The following DGKI variants were observed in gnomAD, a reference collection of about 807,000 sequenced individuals.
DGKI encodes diacylglycerol kinase iota.
DGKI carries 55 observed loss-of-function variants against 147.5 expected under a neutral mutation model. The observed-to-expected ratio is 0.37, with a 90% CI of 0.30 to 0.47. The LOEUF is 0.47. Among genes scored for constraint, DGKI ranks in the 20% least tolerant of loss-of-function variants. The pLI is 1.00. For synonymous variants in DGKI, 469 were observed against 477.1 expected, an observed-to-expected ratio of 0.98 and a Z score of 0.22; for missense variants, 1,007 against 1,323.8, an observed-to-expected ratio of 0.76 and a Z score of 3.71.
At chr7:137,428,579 G>A (rs1812920563) in intron 28 of DGKI, among the ~76,000 whole-genome samples, 1 of 152,108 alleles carries the variant, frequency 6.6e-6, no homozygotes, top group Admixed American at 6.5e-5. Context: ...AGGAAATAAA[G>A]GGTATTCAAT....
At chr7:137,816,709 T>G (rs1250439859) in intron 1 of DGKI, among the ~76,000 whole-genome samples, 1 of 152,144 alleles carries the variant, frequency 6.6e-6, no homozygotes, top group African/African-American at 2.4e-5. Context: ...ACAAAAAACA[T>G]TGTTTTGTAA....
chr7:137,475,315 G>A (rs550251004), intron 23 of DGKI, among the ~76,000 whole-genome samples: 2 of 152,172 alleles, frequency 1.3e-5, no homozygotes, highest in South Asian at 4.2e-4. Context: ...GTGCTTATAG[G>A]GCTTGTCTTA....
chr7:137,407,663 T>C (rs1273707624), intron 30 of DGKI, among the ~76,000 whole-genome samples: 3 of 152,148 alleles, frequency 2.0e-5, no homozygotes, highest in African/African-American at 4.8e-5. Flanking sequence ...GTATGAACAC[T>C]GTTTCTACTA....
intron 3 of DGKI, among the ~76,000 whole-genome samples, chr7:137,662,553 T>C (rs7797609): frequency 0.18 from 26,828 of 152,038 alleles, 7,168 homozygotes; most frequent in African/African-American, 0.58. Context: ...CCAGCACACT[T>C]CTTTTATCCT....
intron 28 of DGKI, among the ~76,000 whole-genome samples, chr7:137,428,486 T>C (rs1440545839): frequency 3.3e-5 from 5 of 152,150 alleles, no homozygotes; most frequent in African/African-American, 1.2e-4. Flanking sequence ...CTTTGAAAAC[T>C]GGCACAAGAC....
intron 1 of DGKI, among the ~76,000 whole-genome samples, chr7:137,781,682 T>C (rs1796522615): frequency 6.6e-6 from 1 of 152,224 alleles, no homozygotes; most frequent in Non-Finnish European, 1.5e-5. Flanking sequence ...TAGTACATAA[T>C]GCTGGACGTT....
intron 1 of DGKI, among the ~76,000 whole-genome samples, chr7:137,716,070 G>A (rs73152517): frequency 2.0e-5 from 3 of 152,184 alleles, no homozygotes; most frequent in Non-Finnish European, 2.9e-5. Context: ...TTGAAGCTCT[G>A]AATGACCTAG....
intron 12 of DGKI, among the ~76,000 whole-genome samples, chr7:137,590,102 G>A (rs1019197015): frequency 7.9e-5 from 12 of 152,156 alleles, no homozygotes; most frequent in Admixed American, 6.5e-4. Flanking sequence ...CTGGGGTAAA[G>A]GCTTGGATCA....
chr7:137,556,541 A>G (rs972079994), intron 19 of DGKI, among the ~76,000 whole-genome samples: 3 of 152,188 alleles, frequency 2.0e-5, no homozygotes, highest in South Asian at 4.1e-4. Context: ...AACCAATAGT[A>G]TTCTACTACT....
chr7:137,548,647 G>T (rs542093752), intron 20 of DGKI, among the ~76,000 whole-genome samples: 1 of 152,174 alleles, frequency 6.6e-6, no homozygotes, highest in Non-Finnish European at 1.5e-5. Context: ...AGAACTGTGA[G>T]CCAAATAAAA....
intron 21 of DGKI, among the ~76,000 whole-genome samples, chr7:137,490,791 A>G (rs1229672068): frequency 6.6e-6 from 1 of 152,164 alleles, no homozygotes; most frequent in Non-Finnish European, 1.5e-5. Context: ...TCAACAATTC[A>G]TCTTATTTTG....
rs1811521957 is a variant in DGKI, at chr7:137,395,625, T to C, written c.3030A>G (p.Gly1010=). The C allele has an allele frequency of 1.2e-6, 2 of 1,614,180 alleles. No homozygotes were observed. The highest frequency in any genetic ancestry group is 8.5e-7 in the Non-Finnish European group (1 of 1,179,978). Residue 1010 remains glycine, a synonymous_variant, in exon 32 of 33, where the codon GGA becomes GGG. Transcript: ENST00000614521. ...RAVCQLLVDA[G]ASLRKTDSKG... ...TGGAGTCCGTCTTTCTCAGAGATGCTCCTGCATCCACCAGAAGCTGGCACA... is the reference window on the plus strand; with the variant it reads ...TGGAGTCCGTCTTTCTCAGAGATGCCCCTGCATCCACCAGAAGCTGGCACA...
At chr7:137,707,179 G>T (rs1794063611) in intron 1 of DGKI, among the ~76,000 whole-genome samples, 1 of 152,132 alleles carries the variant, frequency 6.6e-6, no homozygotes, top group African/African-American at 2.4e-5. Context: ...GGTACAAATG[G>T]CTTTGAATTA....
intron 1 of DGKI, among the ~76,000 whole-genome samples, chr7:137,778,843 TAG>T (rs1485796864): frequency 6.6e-6 from 1 of 152,150 alleles, no homozygotes; most frequent in African/African-American, 2.4e-5. Context: ...ATATGTTAAA[TAG>T]AGAGAAGTCA....
Position 137,390,954 on chromosome 7 carries a change from T to C in DGKI, c.*266A>G, listed in dbSNP as rs891017454. 2.2e-6 allele frequency: 1 copy of C among 462,944 alleles called. No homozygotes were observed. Among genetic ancestry groups the C allele is most frequent in the Admixed American group, 3.9e-5 (1 of 25,932 alleles). The allele number at this position is 462,944 out of a possible 1,614,324, so 28.7% of individuals were successfully genotyped here. A position where few individuals can be genotyped will look rare whatever the true frequency, so the allele number is the denominator to read the frequency against. ...AGGTGAACACAGAAGTTCATGCTAC[T>C]TGCTGGAAGCAATAAGGATCAAATT... On this transcript the variant is annotated 3_prime_UTR_variant, in exon 33 of 33. Coordinates refer to ENST00000614521, the MANE Select transcript of DGKI (RefSeq NM_001321708.2).
chr7:137,708,152 T>A (rs1470633241), intron 1 of DGKI, among the ~76,000 whole-genome samples: 2 of 152,232 alleles, frequency 1.3e-5, no homozygotes, highest in African/African-American at 4.8e-5. Context: ...TTCTGCCAGA[T>A]AGCCAGGTCG....
chr7:137,598,640 G>A (rs1819881164), intron 11 of DGKI, among the ~76,000 whole-genome samples: 1 of 152,158 alleles, frequency 6.6e-6, no homozygotes, highest in Non-Finnish European at 1.5e-5. Flanking sequence ...AGGTGAAGTT[G>A]CTAGAGGCTG....
chr7:137,525,167 T>A (rs1817100057), intron 20 of DGKI, among the ~76,000 whole-genome samples: 1 of 152,110 alleles, frequency 6.6e-6, no homozygotes, highest in Admixed American at 6.6e-5. Flanking sequence ...TCTCAGTTCA[T>A]CTCCAGAATG....
At chr7:137,739,165 T>A (rs1795106469) in intron 1 of DGKI, among the ~76,000 whole-genome samples, 1 of 152,150 alleles carries the variant, frequency 6.6e-6, no homozygotes, top group Non-Finnish European at 1.5e-5. Flanking sequence ...TCAGCATGGA[T>A]CTACATCCAC....
Sources: gnomAD v4.1 joint callset for allele counts (sites outside exome capture counted in the v4.1 genomes callset) on GRCh38, gnomAD v4.1.1 for gene constraint, MANE v1.5 for transcripts, NCBI Gene and HGNC (gene_info 2026-07-23, HGNC 2026-07-21) for gene names.